NCOA2: variants seen among roughly 807,000 people sequenced by gnomAD.
The protein encoded by NCOA2 is nuclear receptor coactivator 2, also known as class E basic helix-loop-helix protein 75.
A neutral mutation model predicts 145.1 loss-of-function variants in NCOA2; 21 were observed. That is an observed-to-expected ratio of 0.14 (90% CI 0.10 to 0.21). NCOA2 has a LOEUF of 0.21. Among genes scored for constraint, NCOA2 ranks in the 10% least tolerant of loss-of-function variants. The pLI is 1.00. For synonymous variants in NCOA2, 619 were observed against 637.5 expected, an observed-to-expected ratio of 0.97 and a Z score of 0.44; for missense variants, 1,472 against 1,837.6, an observed-to-expected ratio of 0.80 and a Z score of 3.64.
chr8:70,441,215 G>T, the NCOA2 span, among the ~76,000 whole-genome samples: 1 of 146,592 alleles, frequency 6.8e-6, no homozygotes, highest in Non-Finnish European at 1.5e-5. Context: ...ACATGTGGGA[G>T]AAAAGGAAGA....
intron 1 of NCOA2, among the ~76,000 whole-genome samples, chr8:70,379,777 C>A (rs1812023330): frequency 6.6e-6 from 1 of 152,014 alleles, no homozygotes; most frequent in South Asian, 2.1e-4. Flanking sequence ...AAAACAGAGT[C>A]TTGTCCTTAT....
At chr8:70,218,566 G>C (rs149812200) in intron 2 of NCOA2, among the ~76,000 whole-genome samples, 1 of 152,074 alleles carries the variant, frequency 6.6e-6, no homozygotes, top group African/African-American at 2.4e-5. Flanking sequence ...CCTGAACAAC[G>C]TATCAAGATC....
chr8:70,224,840 G>A (rs1366067849), intron 2 of NCOA2, among the ~76,000 whole-genome samples: 1 of 151,794 alleles, frequency 6.6e-6, no homozygotes, highest in Non-Finnish European at 1.5e-5. Context: ...GGCAAAAACT[G>A]TCCAGGAAAC....
intron 15 of NCOA2, among the ~76,000 whole-genome samples, chr8:70,132,878 T>C (rs1809303015): frequency 6.6e-6 from 1 of 152,194 alleles, no homozygotes; most frequent in African/African-American, 2.4e-5. Flanking sequence ...AAAACATTTA[T>C]TAAAACCCTC....
chr8:70,138,946 A>C (rs1434433080), intron 14 of NCOA2, among the ~76,000 whole-genome samples: 1 of 152,250 alleles, frequency 6.6e-6, no homozygotes, highest in Admixed American at 6.5e-5. Flanking sequence ...ACAGTGTTTT[A>C]GGATTAGTAT....
At chr8:70,308,988 G>C (rs1054895223) in intron 1 of NCOA2, among the ~76,000 whole-genome samples, 2 of 152,168 alleles carry the variant, frequency 1.3e-5, no homozygotes, top group African/African-American at 4.8e-5. Flanking sequence ...AGCAGCAGCA[G>C]TATTTTGGGA....
At chr8:70,268,702 G>A (rs1824806926) in intron 2 of NCOA2, among the ~76,000 whole-genome samples, 1 of 151,854 alleles carries the variant, frequency 6.6e-6, no homozygotes, top group South Asian at 2.1e-4. Context: ...CTGCTTCACG[G>A]GTTTTTATTA....
intron 2 of NCOA2, among the ~76,000 whole-genome samples, chr8:70,219,385 C>T (rs1358529445): frequency 6.6e-6 from 1 of 152,156 alleles, no homozygotes; most frequent in Non-Finnish European, 1.5e-5. Context: ...TAATTGCTTC[C>T]TTATATTTTT....
intron 1 of NCOA2, 79 bp downstream of exon 1, chr8:70,403,621 C>CG (rs202061918): frequency 0.25 from 84,318 of 336,704 alleles, 14,656 homozygotes; most frequent in East Asian, 0.57. Context: ...CAGTCGCGGC[C>CG]GGGGGTGGGG....
the NCOA2 span, among the ~76,000 whole-genome samples, chr8:70,431,564 T>A: frequency 1.3e-5 from 2 of 152,240 alleles, no homozygotes; most frequent in Non-Finnish European, 2.9e-5. Flanking sequence ...AAGGTGGTTG[T>A]ACTAAAATGT....
intron 2 of NCOA2, among the ~76,000 whole-genome samples, chr8:70,262,759 T>C (rs1321623016): frequency 6.6e-6 from 1 of 152,140 alleles, no homozygotes; most frequent in Non-Finnish European, 1.5e-5. Flanking sequence ...AGAGATTGTA[T>C]TTCTTTTATC....
At chr8:70,128,565 T>G in intron 17 of NCOA2, 55 bp from the exon 18 acceptor site, 1 of 1,593,962 alleles carries the variant, frequency 6.3e-7, no homozygotes, top group Non-Finnish European at 8.6e-7. Flanking sequence ...CATTTTACTT[T>G]AAATCAAGTT....
the NCOA2 span, among the ~76,000 whole-genome samples, chr8:70,415,498 T>G: frequency 6.6e-6 from 1 of 152,196 alleles, no homozygotes; most frequent in Admixed American, 6.5e-5. Context: ...TTTCATAAAA[T>G]TCAATGAAAT....
Position 70,156,314 on chromosome 8 carries a change from T to C in NCOA2, c.2051A>G (p.Lys684Arg). The C allele has an allele frequency of 6.2e-7, 1 of 1,613,926 alleles. No homozygotes were observed. The highest frequency in any genetic ancestry group is 8.5e-7 in the Non-Finnish European group (1 of 1,179,876). Reference sequence around the variant, plus strand: ...TCTGTGCAAAATTTTATGCTTCTCCTTGAGCGAGGTTCCATGTGTAGACCC... The same window carrying C: ...TCTGTGCAAAATTTTATGCTTCTCCCTGAGCGAGGTTCCATGTGTAGACCC... ...GSGSTHGTSL[K>R]EKHKILHRLL... The change falls in exon 11 of 23, where the codon AAG becomes AGG. Residue 684 changes from lysine (K) to arginine (R), a missense_variant. By Grantham distance (26) the Lys-to-Arg change is conservative (BLOSUM62 2). Coordinates refer to ENST00000452400, the MANE Select transcript of NCOA2 (RefSeq NM_006540.4).
chr8:70,135,260 C>A (rs1378142946), intron 15 of NCOA2, among the ~76,000 whole-genome samples: 2 of 152,168 alleles, frequency 1.3e-5, no homozygotes, highest in Non-Finnish European at 2.9e-5. Flanking sequence ...TAGACTGCCC[C>A]GCTTTCTCCT....
intron 15 of NCOA2, among the ~76,000 whole-genome samples, chr8:70,132,341 A>G (rs1426864488): frequency 1.3e-5 from 2 of 152,164 alleles, no homozygotes; most frequent in East Asian, 3.9e-4. Context: ...TCAAGCATGT[A>G]AATATTTACT....
intron 2 of NCOA2, among the ~76,000 whole-genome samples, chr8:70,292,601 G>A (rs146670410): frequency 2.7e-5 from 4 of 150,014 alleles, no homozygotes; most frequent in African/African-American, 4.9e-5. Flanking sequence ...TAAAAATATC[G>A]AACAAGGAAA....
chr8:70,263,226 A>C (rs1824285898), intron 2 of NCOA2, among the ~76,000 whole-genome samples: 1 of 147,694 alleles, frequency 6.8e-6, no homozygotes, highest in Non-Finnish European at 1.5e-5. Context: ...GGTGGGTGGC[A>C]CATAGAGTGT....
chr8:70,315,441 TTAA>T (rs1182101285), intron 1 of NCOA2, among the ~76,000 whole-genome samples: 1 of 152,236 alleles, frequency 6.6e-6, no homozygotes, highest in Non-Finnish European at 1.5e-5. Context: ...AACCATATTA[TTAA>T]TACTTATATT....
Sources: gnomAD v4.1 joint callset for allele counts (sites outside exome capture counted in the v4.1 genomes callset) on GRCh38, gnomAD v4.1.1 for gene constraint, MANE v1.5 for transcripts, NCBI Gene and HGNC (gene_info 2026-07-23, HGNC 2026-07-21) for gene names.